Variants in COL22A1 observed in about 807,000 individuals in gnomAD.
COL22A1 encodes the protein collagen type XXII alpha 1 chain.
COL22A1 carries 221 observed loss-of-function variants against 248.9 expected under a neutral mutation model. That is an observed-to-expected ratio of 0.89 (90% confidence interval 0.80 to 0.99). The LOEUF (loss-of-function observed/expected upper bound fraction) is 0.99. Ranked by LOEUF, COL22A1 falls within the 50% of genes least tolerant of loss-of-function variation. The pLI is 0.00. For synonymous variants in COL22A1, 891 were observed against 793.4 expected (o/e 1.12, Z -2.07); for missense variants, 2,240 against 2,179.0 (o/e 1.03, Z -0.56).
intron 9 of COL22A1, among the ~76,000 whole-genome samples, chr8:138,810,581 T>C (rs1818126784): frequency 6.6e-6 from 1 of 152,076 alleles, no homozygotes; most frequent in South Asian, 2.1e-4. Flanking sequence ...TAACCAGAAA[T>C]AGCCTAAGCT....
At chr8:138,735,439 G>A (rs1314169903) in intron 23 of COL22A1, among the ~76,000 whole-genome samples, 3 of 152,156 alleles carry the variant, frequency 2.0e-5, no homozygotes, top group African/African-American at 7.2e-5. Context: ...CTGGCCTTCA[G>A]TAAAGATTCA....
At chr8:138,634,078 C>A (rs897646611) in intron 49 of COL22A1, among the ~76,000 whole-genome samples, 3 of 152,206 alleles carry the variant, frequency 2.0e-5, no homozygotes, top group Non-Finnish European at 4.4e-5. Context: ...GATGCCATGT[C>A]ATGCTTTCAT....
intron 3 of COL22A1, among the ~76,000 whole-genome samples, chr8:138,868,301 A>C (rs959731931): frequency 1.3e-5 from 2 of 152,046 alleles, no homozygotes; most frequent in African/African-American, 4.8e-5. Flanking sequence ...GGGCAACATC[A>C]CTTCCAAGGG....
intron 22 of COL22A1, among the ~76,000 whole-genome samples, chr8:138,740,147 A>T (rs571318641): frequency 3.3e-5 from 5 of 152,134 alleles, no homozygotes; most frequent in Non-Finnish European, 7.4e-5. Flanking sequence ...CTTCCAGGGG[A>T]TTCTATAGAG....
At chr8:138,893,751 T>C (rs1226646449) in intron 1 of COL22A1, among the ~76,000 whole-genome samples, 1 of 152,256 alleles carries the variant, frequency 6.6e-6, no homozygotes, top group Non-Finnish European at 1.5e-5. Context: ...AACTCAATCA[T>C]GCCCTAAATG....
At chr8:138,786,820 C>T (rs1006232225) in intron 12 of COL22A1, among the ~76,000 whole-genome samples, 1 of 152,170 alleles carries the variant, frequency 6.6e-6, no homozygotes, top group Non-Finnish European at 1.5e-5. Flanking sequence ...AGGAGAATTG[C>T]TTGAACCCAG....
intron 11 of COL22A1, among the ~76,000 whole-genome samples, chr8:138,801,123 C>T (rs1236729936): frequency 2.0e-5 from 3 of 152,194 alleles, no homozygotes; most frequent in Admixed American, 2.0e-4. Flanking sequence ...ACAACAGGTG[C>T]TTCCTACCTA....
At chr8:138,817,625 G>C (rs1265081363) in intron 7 of COL22A1, among the ~76,000 whole-genome samples, 1 of 152,174 alleles carries the variant, frequency 6.6e-6, no homozygotes, top group Non-Finnish European at 1.5e-5. Context: ...CCAATCCCCT[G>C]TTTAGGGGTC....
chr8:138,769,357 A>G (rs1834170968), intron 16 of COL22A1, among the ~76,000 whole-genome samples: 1 of 152,088 alleles, frequency 6.6e-6, no homozygotes. Context: ...GGCAGCTCCC[A>G]CCCACCCAAT....
chr8:138,626,210 A>G lies in COL22A1; in HGVS notation c.3697T>C (p.Ser1233Pro), dbSNP rs142603827. Residue 1233 changes from serine to proline, a missense_variant, in exon 51 of 65, where the codon TCT becomes CCT. By Grantham distance (74) the Ser-to-Pro change is moderately conservative. Transcript: ENST00000303045. ...KEGPPGPQGP[S>P]GLPGIPGEEG... ...CTTACTGGGATTCCGGGTAATCCAG[A>G]TGGGCCTTGGGGGCCAGGAGGGCCT... The G allele has an allele frequency of 5.0e-6, 8 of 1,606,614 alleles. No individual in the cohort carries two copies. The highest frequency in any genetic ancestry group is 6.8e-6 in the Non-Finnish European group (8 of 1,177,624).
intron 41 of COL22A1, 145 bp downstream of exon 41, chr8:138,676,413 A>AAGAAAGAAAGAAAGAAAG (rs1554744005): frequency 2.5e-5 from 8 of 325,484 alleles, no homozygotes; most frequent in South Asian, 8.7e-5. Flanking sequence ...AAAAGAAAGA[A>AAGAAAGAAAGAAAGAAAG]AAAGAAAGAA....
chr8:138,786,141 T>C (rs1021441060), intron 12 of COL22A1, among the ~76,000 whole-genome samples: 1 of 152,298 alleles, frequency 6.6e-6, no homozygotes, highest in East Asian at 1.9e-4. Flanking sequence ...AACTTCAGAA[T>C]TGGTCTTCCC....
chr8:138,612,316 A>G (rs558153313), intron 56 of COL22A1, among the ~76,000 whole-genome samples: 1 of 152,282 alleles, frequency 6.6e-6, no homozygotes, highest in African/African-American at 2.4e-5. Context: ...GGGATAATTT[A>G]TGCTTTTCTC....
intron 7 of COL22A1, among the ~76,000 whole-genome samples, chr8:138,818,485 G>A (rs981013632): frequency 6.6e-6 from 1 of 152,180 alleles, no homozygotes; most frequent in Non-Finnish European, 1.5e-5. Context: ...GCTCCATCTT[G>A]TCCAGCCCTT....
chr8:138,859,998 G>T (rs757491036), intron 3 of COL22A1, among the ~76,000 whole-genome samples: 20 of 152,126 alleles, frequency 1.3e-4, no homozygotes, highest in Non-Finnish European at 2.6e-4. Context: ...TTCCTCATCA[G>T]ACCATTACTA....
At chr8:138,755,282 G>A in intron 20 of COL22A1, 72 bp from the exon 21 acceptor site, 4 of 1,471,372 alleles carry the variant, frequency 2.7e-6, no homozygotes, top group African/African-American at 1.4e-5. Flanking sequence ...CATCACCCAT[G>A]GCCCTCTCCT....
At chr8:138,761,772 G>A (rs949324503) in intron 17 of COL22A1, among the ~76,000 whole-genome samples, 11 of 152,008 alleles carry the variant, frequency 7.2e-5, no homozygotes, top group Non-Finnish European at 1.0e-4. Flanking sequence ...TAGATGATGC[G>A]TTCACATGGT....
chr8:138,896,290 G>C (rs1329098739), intron 1 of COL22A1, among the ~76,000 whole-genome samples: 1 of 152,140 alleles, frequency 6.6e-6, no homozygotes, highest in Non-Finnish European at 1.5e-5. Flanking sequence ...AGCATCATCT[G>C]ATACGGTGTT....
chr8:138,894,478 A>G (rs762528969), intron 1 of COL22A1, among the ~76,000 whole-genome samples: 1 of 152,192 alleles, frequency 6.6e-6, no homozygotes, highest in Non-Finnish European at 1.5e-5. Context: ...CAATTTGAGC[A>G]TCAGGGAGCC....
Sources: gnomAD v4.1 joint callset for allele counts (sites outside exome capture counted in the v4.1 genomes callset) on GRCh38, gnomAD v4.1.1 for gene constraint, MANE v1.5 for transcripts, NCBI Gene and HGNC (gene_info 2026-07-23, HGNC 2026-07-21) for gene names.